Variants in COG5 observed in about 807,000 individuals in gnomAD.
COG5 encodes conserved oligomeric Golgi complex subunit 5.
A neutral mutation model predicts 110.4 loss-of-function variants in COG5; 86 were observed. The ratio of observed to expected loss-of-function variants is 0.78; its 90% CI spans 0.65 to 0.93. The LOEUF (loss-of-function observed/expected upper bound fraction) is 0.93. Ranked by LOEUF, COG5 falls within the 40% of genes least tolerant of loss-of-function variation. The pLI is 0.00. For synonymous variants in COG5, 360 were observed against 334.6 expected, an observed-to-expected ratio of 1.08 and a Z score of -0.83; for missense variants, 1,077 against 987.0, an observed-to-expected ratio of 1.09 and a Z score of -1.22.
chr7:107,457,590 G>A lies in COG5; in HGVS notation c.539-44958C>T, dbSNP rs192639659. ...ACTACAGGTGCCCGCCACCATGCCC[G>A]GCTAATTTTTTGTATTTTTCAGTAG... On this transcript the variant is annotated intron_variant, in intron 6 of 21. Coordinates refer to ENST00000297135, the MANE Select transcript of COG5 (RefSeq NM_006348.5). 5.5e-3 allele frequency among the ~76,000 whole-genome samples: 839 copies of A among 151,932 alleles called. 8 individuals are homozygous for A. Among genetic ancestry groups the A allele is most frequent in the African/African-American group, 0.02 (809 of 41,432 alleles).
chr7:107,382,147 G>A (rs545675022), intron 7 of COG5, among the ~76,000 whole-genome samples: 1 of 152,288 alleles, frequency 6.6e-6, no homozygotes, highest in South Asian at 2.1e-4. Flanking sequence ...CAGCTACTCA[G>A]TCCCTGTACA....
chr7:107,222,932 A>C (rs1800050235), intron 19 of COG5, among the ~76,000 whole-genome samples: 1 of 152,154 alleles, frequency 6.6e-6, no homozygotes, highest in African/African-American at 2.4e-5. Flanking sequence ...TTCACATTTA[A>C]ACGATTCATA....
chr7:107,503,225 GT>G (rs1203182202), intron 6 of COG5, among the ~76,000 whole-genome samples: 1 of 152,096 alleles, frequency 6.6e-6, no homozygotes, highest in Non-Finnish European at 1.5e-5. Context: ...TGGCTAGCCA[GT>G]TTTCTCAGCA....
At chr7:107,514,267 TAAC>T (rs1799758152) in intron 6 of COG5, among the ~76,000 whole-genome samples, 1 of 151,152 alleles carries the variant, frequency 6.6e-6, no homozygotes, top group African/African-American at 2.4e-5. Flanking sequence ...ATTAAGTTAC[TAAC>T]AACAGTCAAC....
At chr7:107,255,361 A>T (rs1336614657) in intron 16 of COG5, among the ~76,000 whole-genome samples, 2 of 152,132 alleles carry the variant, frequency 1.3e-5, no homozygotes, top group African/African-American at 2.4e-5. Flanking sequence ...ACACTGGGGG[A>T]AAATAGACTG....
intron 7 of COG5, among the ~76,000 whole-genome samples, chr7:107,396,772 A>C (rs1223165015): frequency 6.6e-6 from 1 of 152,214 alleles, no homozygotes; most frequent in Non-Finnish European, 1.5e-5. Context: ...AAATAATGTC[A>C]ATACACAGAA....
intron 10 of COG5, among the ~76,000 whole-genome samples, chr7:107,338,092 G>A (rs1385750509): frequency 1.3e-5 from 2 of 151,790 alleles, no homozygotes; most frequent in African/African-American, 2.4e-5. Context: ...TCAATAAAAG[G>A]AAATCAATTT....
intron 5 of COG5, among the ~76,000 whole-genome samples, chr7:107,546,458 CAA>C (rs752232689): frequency 0.13 from 14,144 of 108,782 alleles, 1,119 homozygotes; most frequent in Non-Finnish European, 0.17. Flanking sequence ...TTTTTTGAGA[CAA>C]GGTCTCGCTC....
intron 10 of COG5, among the ~76,000 whole-genome samples, chr7:107,339,145 G>T (rs563760132): frequency 2.0e-5 from 3 of 152,160 alleles, no homozygotes; most frequent in Admixed American, 1.3e-4. Flanking sequence ...CTCACATGCA[G>T]TAACACCTAT....
At position 107,467,363 on chromosome 7, in the gene COG5, AT is replaced by A. The variant is rs199820763; in HGVS notation, c.539-54732del. ...AAATTGATAATCTGAAATTATTATT[AT>A]TTTTTTTTTGAGACCTAGTCTCACC... is the stretch of plus-strand genomic sequence containing the variant. On this transcript the variant is annotated intron_variant, in intron 6 of 21. Transcript: ENST00000297135. Among the ~76,000 whole-genome samples, 30 of 149,874 alleles carry A rather than the reference AT, an allele frequency of 2.0e-4. No homozygotes were observed. The East Asian group carries it at 2.3e-3, about 12-fold the overall frequency.
intron 7 of COG5, among the ~76,000 whole-genome samples, chr7:107,380,448 CAATT>C (rs1815017273): frequency 6.6e-6 from 1 of 152,006 alleles, no homozygotes; most frequent in Admixed American, 6.5e-5. Context: ...AAAGAAGAAT[CAATT>C]AGACACAATA....
intron 10 of COG5, among the ~76,000 whole-genome samples, chr7:107,346,756 G>C (rs1037902397): frequency 6.6e-6 from 1 of 151,582 alleles, no homozygotes; most frequent in Non-Finnish European, 1.5e-5. Flanking sequence ...ACAATCTGCA[G>C]GTTTGTTACA....
rs1794180110 is a variant in COG5, at chr7:107,433,749, TG to T, written c.539-21118del. On this transcript the variant is annotated intron_variant, in intron 6 of 21. Coordinates refer to ENST00000297135, the MANE Select transcript of COG5 (RefSeq NM_006348.5). The stretch of plus-strand genomic sequence containing the variant: ...GAAGAAGCATAAAGGAAAAATTTCA[TG>T]GCATTGAATCTGGCAATTTCTCACA... Among the ~76,000 whole-genome samples the T allele has an allele frequency of 2.0e-5, 3 of 152,272 alleles. No homozygotes were observed. In the East Asian group the frequency reaches 5.8e-4, roughly 29 times the overall value.
chr7:107,279,836 C>T (rs984861720), intron 14 of COG5, among the ~76,000 whole-genome samples: 4 of 152,000 alleles, frequency 2.6e-5, no homozygotes, highest in Non-Finnish European at 5.9e-5. Context: ...ATTAGATAGG[C>T]CTAAGTAATT....
intron 17 of COG5, among the ~76,000 whole-genome samples, chr7:107,241,841 C>A (rs2116498513): frequency 6.6e-6 from 1 of 152,258 alleles, no homozygotes; most frequent in Non-Finnish European, 1.5e-5. Context: ...AGTGCAATGG[C>A]ATGATTACGG....
intron 1 of COG5, among the ~76,000 whole-genome samples, chr7:107,559,030 A>G (rs970648382): frequency 3.3e-5 from 5 of 151,798 alleles, no homozygotes; most frequent in Non-Finnish European, 7.4e-5. Context: ...ATATATACAC[A>G]TATGTAATAT....
At chr7:107,331,168 A>G (rs1810205985) in intron 10 of COG5, among the ~76,000 whole-genome samples, 1 of 152,158 alleles carries the variant, frequency 6.6e-6, no homozygotes, top group South Asian at 2.1e-4. Context: ...ACCATGATCA[A>G]GCTGTGCTAT....
chr7:107,469,127 G>A, intron 6 of COG5, among the ~76,000 whole-genome samples: 1 of 150,372 alleles, frequency 6.7e-6, no homozygotes, highest in East Asian at 1.9e-4. Flanking sequence ...ATCTTATAAT[G>A]ATTTGGCTTT....
At chr7:107,542,609 G>A (rs1802118134) in intron 5 of COG5, among the ~76,000 whole-genome samples, 1 of 151,984 alleles carries the variant, frequency 6.6e-6, no homozygotes, top group South Asian at 2.1e-4. Context: ...TCCCAATCTG[G>A]AAACAATCCA....
Sources: allele counts gnomAD v4.1 joint callset (sites outside exome capture counted in the v4.1 genomes callset), GRCh38; gene constraint gnomAD v4.1.1; transcripts MANE v1.5; gene names NCBI Gene and HGNC (gene_info 2026-07-23, HGNC 2026-07-21).